Variants in SMYD3 observed in about 807,000 individuals in gnomAD.
SMYD3 encodes the protein SET and MYND domain containing 3.
A neutral mutation model predicts 57.7 loss-of-function variants in SMYD3; 36 were observed. That is an observed-to-expected ratio of 0.62 (90% CI 0.48 to 0.82). The LOEUF (loss-of-function observed/expected upper bound fraction) is 0.82, where lower values mean the gene tolerates loss of function less well. Among genes scored for constraint, SMYD3 ranks in the 40% least tolerant of loss-of-function variants. The pLI is 0.00. For missense variants in SMYD3, 515 were observed against 538.8 expected, an observed-to-expected ratio of 0.96 and a Z score of 0.44; for synonymous variants, 211 against 195.0, an observed-to-expected ratio of 1.08 and a Z score of -0.68.
intron 1 of SMYD3, among the ~76,000 whole-genome samples, chr1:246,470,537 T>C (rs1316937957): frequency 6.7e-6 from 1 of 148,226 alleles, no homozygotes; most frequent in East Asian, 1.9e-4. Flanking sequence ...ATATATATAA[T>C]ATATACACAT....
chr1:246,155,924 T>C (rs1402539928), intron 5 of SMYD3, among the ~76,000 whole-genome samples: 2 of 152,094 alleles, frequency 1.3e-5, no homozygotes, highest in Non-Finnish European at 2.9e-5. Context: ...GAGGCTGAGG[T>C]TGCAATGAGC....
chr1:246,231,345 T>C (rs1470608050), intron 5 of SMYD3, among the ~76,000 whole-genome samples: 2 of 152,176 alleles, frequency 1.3e-5, no homozygotes, highest in Admixed American at 6.5e-5. Flanking sequence ...GGGCAGTAGA[T>C]ATCAGCATCA....
intron 8 of SMYD3, among the ~76,000 whole-genome samples, chr1:245,878,210 A>C (rs1381108108): frequency 6.6e-6 from 1 of 152,208 alleles, no homozygotes; most frequent in African/African-American, 2.4e-5. Context: ...AGATGACTCA[A>C]GGGGTTTCAC....
intron 5 of SMYD3, among the ~76,000 whole-genome samples, chr1:246,138,429 A>AT (rs1485643869): frequency 2.0e-5 from 3 of 151,232 alleles, no homozygotes; most frequent in African/African-American, 7.3e-5. Context: ...TTATTTATTT[A>AT]TTTATTTTTT....
intron 1 of SMYD3, among the ~76,000 whole-genome samples, chr1:246,483,999 A>G (rs541250213): frequency 3.3e-5 from 5 of 150,558 alleles, no homozygotes; most frequent in Middle Eastern, 3.4e-3. Context: ...AAAACACATC[A>G]CTTCAACCAA....
chr1:245,931,397 T>C (rs1027416908), intron 5 of SMYD3, among the ~76,000 whole-genome samples: 4 of 152,174 alleles, frequency 2.6e-5, no homozygotes, highest in African/African-American at 9.7e-5. Context: ...GTCAGGATAA[T>C]GCTCGAGTTT....
intron 5 of SMYD3, among the ~76,000 whole-genome samples, chr1:246,296,793 TTAAA>T (rs1369194650): frequency 1.3e-5 from 2 of 152,208 alleles, no homozygotes; most frequent in Non-Finnish European, 2.9e-5. Flanking sequence ...ATATTCCTAT[TTAAA>T]TAAACTCCTA....
chr1:245,818,301 A>C (rs969592753), intron 10 of SMYD3, among the ~76,000 whole-genome samples: 1 of 152,172 alleles, frequency 6.6e-6, no homozygotes, highest in Non-Finnish European at 1.5e-5. Context: ...ACTAAGCTTC[A>C]TAAGTGAAGG....
chr1:246,420,782 G>A (rs1227361758), intron 1 of SMYD3, among the ~76,000 whole-genome samples: 1 of 152,178 alleles, frequency 6.6e-6, no homozygotes, highest in Non-Finnish European at 1.5e-5. Flanking sequence ...TTATAGCATA[G>A]GTTAGGGAAG....
chr1:246,408,233 A>T (rs572368449), intron 1 of SMYD3, among the ~76,000 whole-genome samples: 1 of 152,074 alleles, frequency 6.6e-6, no homozygotes, highest in Non-Finnish European at 1.5e-5. Flanking sequence ...TTGATAAATA[A>T]TTTTCCATTT....
At chr1:246,002,829 A>C (rs1388985263) in intron 5 of SMYD3, among the ~76,000 whole-genome samples, 1 of 151,922 alleles carries the variant, frequency 6.6e-6, no homozygotes, top group East Asian at 1.9e-4. Context: ...CGCTCACCGC[A>C]GCCTCGACCT....
At chr1:246,131,300 C>T (rs1466958038) in intron 5 of SMYD3, among the ~76,000 whole-genome samples, 2 of 152,074 alleles carry the variant, frequency 1.3e-5, no homozygotes, top group Admixed American at 6.6e-5. Context: ...TATAACAAAA[C>T]ACTGTGTACA....
At chr1:245,965,645 C>T (rs185266221) in intron 5 of SMYD3, among the ~76,000 whole-genome samples, 9 of 152,148 alleles carry the variant, frequency 5.9e-5, no homozygotes, top group South Asian at 2.1e-4. Context: ...ACACTTTATA[C>T]GGTATGATTT....
chr1:245,875,724 G>A (rs2052451095), intron 8 of SMYD3, among the ~76,000 whole-genome samples: 1 of 152,154 alleles, frequency 6.6e-6, no homozygotes, highest in Admixed American at 6.5e-5. Context: ...ATTAGTTTTT[G>A]TTTTCATTTT....
At chr1:246,310,683 T>C (rs12729176) in intron 5 of SMYD3, among the ~76,000 whole-genome samples, 1 of 148,744 alleles carries the variant, frequency 6.7e-6, no homozygotes, top group East Asian at 2.0e-4. Flanking sequence ...TTTTTTTTTT[T>C]TTCTGAGAGG....
intron 5 of SMYD3, among the ~76,000 whole-genome samples, chr1:246,245,862 T>G (rs945924708): frequency 3.9e-5 from 6 of 152,188 alleles, no homozygotes; most frequent in Non-Finnish European, 8.8e-5. Flanking sequence ...AAAAGTTAGT[T>G]TTTTTCCATT....
chr1:246,168,581 G>C (rs1400760593), intron 5 of SMYD3, among the ~76,000 whole-genome samples: 1 of 152,172 alleles, frequency 6.6e-6, no homozygotes, highest in African/African-American at 2.4e-5. Context: ...GAATTAAAAA[G>C]AATGGAGAAC....
At chr1:246,457,549 G>A (rs11577979) in intron 1 of SMYD3, among the ~76,000 whole-genome samples, 38,736 of 87,566 alleles carry the variant, frequency 0.44, 8,251 homozygotes, top group Non-Finnish European at 0.54. Context: ...AAAAAAAAAA[G>A]AAAAGAAAAG....
chr1:246,496,208 G>C (rs1214591654), intron 1 of SMYD3, among the ~76,000 whole-genome samples: 1 of 151,318 alleles, frequency 6.6e-6, no homozygotes, highest in Non-Finnish European at 1.5e-5. Context: ...GGCTAATTTT[G>C]TATTTTTAGT....
Sources: allele counts gnomAD v4.1 joint callset (sites outside exome capture counted in the v4.1 genomes callset), GRCh38; gene constraint gnomAD v4.1.1; transcripts MANE v1.5; gene names NCBI Gene and HGNC (gene_info 2026-07-23, HGNC 2026-07-21).